The following SHB variants were observed in gnomAD, a reference collection of about 807,000 sequenced individuals.
SHB encodes SH2 domain-containing adapter protein B.
A neutral mutation model predicts 52.3 loss-of-function variants in SHB; 20 were observed. That is an observed-to-expected ratio of 0.38 (90% CI 0.27 to 0.56). The LOEUF is 0.56. SHB is among the 20% of genes least tolerant of loss of function. SHB has a pLI of 0.71. For synonymous variants in SHB, 397 were observed against 316.5 expected, an observed-to-expected ratio of 1.25 and a Z score of -2.70; for missense variants, 825 against 723.3, an observed-to-expected ratio of 1.14 and a Z score of -1.61.
At chr9:37,935,923 A>T (rs1301651691) in intron 5 of SHB, among the ~76,000 whole-genome samples, 1 of 121,406 alleles carries the variant, frequency 8.2e-6, no homozygotes, top group Non-Finnish European at 1.7e-5. Context: ...TGCCTCATTA[A>T]AGAAAAAAAA....
intron 2 of SHB, 21 bp from the exon 3 acceptor site, chr9:37,974,858 A>C (rs1330131724): frequency 1.9e-6 from 3 of 1,598,110 alleles, no homozygotes; most frequent in East Asian, 4.5e-5. Flanking sequence ...AAAGGAAGGA[A>C]GCAGAGATGA....
chr9:37,981,772 T>C (rs1255579360), intron 2 of SHB, among the ~76,000 whole-genome samples: 3 of 152,290 alleles, frequency 2.0e-5, no homozygotes, highest in East Asian at 1.9e-4. Flanking sequence ...GATTTCAACA[T>C]TGTTGTGTTT....
At chr9:38,033,772 G>T (rs1260398344) in intron 1 of SHB, among the ~76,000 whole-genome samples, 2 of 152,240 alleles carry the variant, frequency 1.3e-5, no homozygotes, top group Middle Eastern at 3.4e-3. Flanking sequence ...GCTCACGCAG[G>T]CCTGCTTGGT....
chr9:38,040,177 G>C (rs1298150923), intron 1 of SHB, among the ~76,000 whole-genome samples: 1 of 152,230 alleles, frequency 6.6e-6, no homozygotes, highest in Non-Finnish European at 1.5e-5. Flanking sequence ...GTCCATGGCA[G>C]CTGAACATTA....
At position 38,058,458 on chromosome 9, in the gene SHB, C is replaced by T. The variant is rs143329884; in HGVS notation, c.717+9471G>A. On this transcript the variant is annotated intron_variant, in intron 1 of 5. Transcript: ENST00000377707. ...AATCCTGAGGCCCAATTTCACCACA[C>T]GCTGGAATCTGCCCCTCTTCTCATC... 8.5e-5 allele frequency among the ~76,000 whole-genome samples: 13 copies of T among 152,342 alleles called. No individual in the cohort carries two copies. The East Asian group carries it at 1.2e-3, about 14-fold the overall frequency.
chr9:37,919,856 A>T lies in SHB; in HGVS notation c.1495T>A (p.Ser499Thr). 6.2e-7 allele frequency: 1 copy of T among 1,614,012 alleles called. No homozygotes were observed. Among genetic ancestry groups the T allele is most frequent in the Non-Finnish European group, 8.5e-7 (1 of 1,179,990 alleles). Residue 499 changes from serine (S) to threonine (T), a missense_variant, in exon 6 of 6, where the codon TCC becomes ACC. Coordinates refer to ENST00000377707, the MANE Select transcript of SHB (RefSeq NM_003028.3). Reference protein sequence around the residue: ...KLPIKGAEHLSLLYPVAVRTL With the variant: ...KLPIKGAEHLTLLYPVAVRTL ...CTCACAGCCACGGGATAGAGGAGGG[A>T]CAAGTGCTCAGCCCCTTTGATGGGT...
chr9:37,992,081 G>GT (rs1185383352), intron 2 of SHB, among the ~76,000 whole-genome samples: 1 of 152,198 alleles, frequency 6.6e-6, no homozygotes, highest in Non-Finnish European at 1.5e-5. Flanking sequence ...CTGTGTTGCT[G>GT]TTTTATGGGA....
intron 2 of SHB, among the ~76,000 whole-genome samples, chr9:37,988,511 G>A (rs1029103402): frequency 6.6e-6 from 1 of 152,084 alleles, no homozygotes; most frequent in Non-Finnish European, 1.5e-5. Context: ...CATGTTGGAC[G>A]CTGACCTGGC....
At chr9:37,999,613 TGGA>T (rs145530887) in intron 2 of SHB, among the ~76,000 whole-genome samples, 3,901 of 151,884 alleles carry the variant, frequency 0.026, 72 homozygotes, top group African/African-American at 0.057. Flanking sequence ...GCATACTGAG[TGGA>T]GGTCTGACAG....
chr9:37,968,972 G>C (rs546185964), intron 3 of SHB, among the ~76,000 whole-genome samples: 10 of 152,236 alleles, frequency 6.6e-5, no homozygotes, highest in African/African-American at 1.7e-4. Flanking sequence ...ATGGGATGGC[G>C]CTGGTCCCCC....
intron 1 of SHB, among the ~76,000 whole-genome samples, chr9:38,027,481 T>TG (rs1333545938): frequency 6.6e-6 from 1 of 152,036 alleles, no homozygotes; most frequent in Non-Finnish European, 1.5e-5. Context: ...CCTTTTAGTC[T>TG]GGGGAACCCA....
intron 2 of SHB, among the ~76,000 whole-genome samples, chr9:37,997,359 G>T (rs1485626062): frequency 1.3e-5 from 2 of 152,170 alleles, no homozygotes; most frequent in Admixed American, 6.5e-5. Context: ...TCTCCTCCAG[G>T]TCTGAGCTTG....
intron 1 of SHB, among the ~76,000 whole-genome samples, chr9:38,027,968 G>A (rs1195991367): frequency 1.3e-5 from 2 of 152,072 alleles, no homozygotes; most frequent in African/African-American, 4.8e-5. Context: ...CAATGGTACT[G>A]TGCGGGGCTC....
intron 2 of SHB, among the ~76,000 whole-genome samples, chr9:37,981,194 G>A (rs982806884): frequency 5.9e-5 from 9 of 152,202 alleles, no homozygotes; most frequent in African/African-American, 2.2e-4. Context: ...TCCAATAGAA[G>A]GCTGCTTTGT....
rs79147712 is a variant in SHB, at chr9:38,062,468, C to T, written c.717+5461G>A. Among the ~76,000 whole-genome samples the T allele has an allele frequency of 4.3e-3, 651 of 152,316 alleles. 33 individuals are homozygous for T. The East Asian group carries it at 0.088, about 21-fold the overall frequency. On this transcript the variant is annotated intron_variant, in intron 1 of 5. Transcript: ENST00000377707. Reference sequence around the variant, plus strand: ...TCAACAGAATGCAGCAGAAGGGTCACCATGCCAGTTTCCAACCTCAAGAGA... The same window carrying T: ...TCAACAGAATGCAGCAGAAGGGTCATCATGCCAGTTTCCAACCTCAAGAGA...
chr9:37,992,267 G>A (rs1041370643), intron 2 of SHB, among the ~76,000 whole-genome samples: 1 of 151,694 alleles, frequency 6.6e-6, no homozygotes, highest in Non-Finnish European at 1.5e-5. Context: ...CAGGTGTGGT[G>A]GTGGTCGCCT....
intron 1 of SHB, among the ~76,000 whole-genome samples, chr9:38,036,710 G>T (rs953898277): frequency 6.6e-6 from 1 of 152,264 alleles, no homozygotes; most frequent in Non-Finnish European, 1.5e-5. Flanking sequence ...CCACAGGACA[G>T]TGAGGGACTT....
chr9:37,994,582 G>A (rs77606693), intron 2 of SHB, among the ~76,000 whole-genome samples: 16 of 152,334 alleles, frequency 1.1e-4, no homozygotes, highest in Non-Finnish European at 2.1e-4. Flanking sequence ...CCTCTGTTGT[G>A]GAGTGGGGAG....
At chr9:38,011,746 T>A (rs1821145235) in intron 2 of SHB, among the ~76,000 whole-genome samples, 1 of 152,162 alleles carries the variant, frequency 6.6e-6, no homozygotes, top group Admixed American at 6.5e-5. Context: ...TCACATTTAA[T>A]CAGTGGGTTT....
Sources: gnomAD v4.1 joint callset for allele counts (sites outside exome capture counted in the v4.1 genomes callset) on GRCh38, gnomAD v4.1.1 for gene constraint, MANE v1.5 for transcripts, NCBI Gene and HGNC (gene_info 2026-07-23, HGNC 2026-07-21) for gene names.